BACH1: variants seen among roughly 807,000 people sequenced by gnomAD.
BACH1 encodes the protein transcription regulator protein BACH1.
BACH1 carries 35 observed loss-of-function variants against 52.9 expected under a neutral mutation model. The ratio of observed to expected loss-of-function variants is 0.66; its 90% CI spans 0.51 to 0.88. The LOEUF is 0.88. Ranked by LOEUF, BACH1 falls within the 40% of genes least tolerant of loss-of-function variation. BACH1 has a pLI of 0.00. For missense variants in BACH1, 808 were observed against 872.6 expected (o/e 0.93, Z 0.93); for synonymous variants, 321 against 319.6 (o/e 1.00, Z -0.05).
chr21:29,319,196 AG>A (rs1352139635), intron 1 of BACH1, among the ~76,000 whole-genome samples: 2 of 152,206 alleles, frequency 1.3e-5, no homozygotes. Flanking sequence ...TGCCATTGAT[AG>A]TTAACATCTT....
intron 1 of BACH1, among the ~76,000 whole-genome samples, chr21:29,319,430 T>G (rs1427252276): frequency 6.6e-6 from 1 of 151,534 alleles, no homozygotes; most frequent in Non-Finnish European, 1.5e-5. Context: ...TTTTCTGAGG[T>G]TGGGTCCCAG....
downstream of BACH1, among the ~76,000 whole-genome samples, chr21:29,349,504 C>A (rs956370505): frequency 2.6e-5 from 4 of 152,154 alleles, no homozygotes; most frequent in Non-Finnish European, 5.9e-5. Flanking sequence ...GGCCCACCGG[C>A]GGCTGCTGCC....
Position 29,342,468 on chromosome 21 carries a change from A to G in BACH1, c.1846A>G (p.Asn616Asp). Residue 616 changes from asparagine to aspartate, a missense_variant, in exon 5 of 5, where the codon AAC becomes GAC. By Grantham distance (23) the Asn-to-Asp change is conservative. Transcript: ENST00000286800. ...ILSTLGETKQ[N>D]LTGLCQKVCK... ...GTCAACTCTGGGTGAGACAAAGCAG[A>G]ACCTAACTGGACTTTGCCAGAAAGT... 6.2e-7 allele frequency: 1 copy of G among 1,614,250 alleles called. No homozygotes were observed. The highest frequency in any genetic ancestry group is 8.5e-7 in the Non-Finnish European group (1 of 1,180,044).
At chr21:29,336,310 A>G (rs2089043215) in intron 4 of BACH1, among the ~76,000 whole-genome samples, 1 of 152,182 alleles carries the variant, frequency 6.6e-6, no homozygotes, top group Non-Finnish European at 1.5e-5. Flanking sequence ...GTTTGAGTTG[A>G]GGAGACTGAG....
intron 1 of BACH1, among the ~76,000 whole-genome samples, chr21:29,308,105 T>C (rs2088679226): frequency 6.6e-6 from 1 of 152,248 alleles, no homozygotes; most frequent in African/African-American, 2.4e-5. Context: ...AACTGAGCTA[T>C]ATTTCAGCTT....
At chr21:29,352,468 T>G (rs1423850449) in intron 2 of BACH1, 1 of 152,212 alleles carries the variant, frequency 6.6e-6, no homozygotes, top group Non-Finnish European at 1.5e-5. Context: ...TGTTGGGACT[T>G]CTGGTCCTCG....
chr21:29,331,436 G>C (rs576466515), intron 4 of BACH1, among the ~76,000 whole-genome samples: 1 of 152,186 alleles, frequency 6.6e-6, no homozygotes, highest in South Asian at 2.1e-4. Context: ...TGGATACTAA[G>C]CAAATATGTT....
Position 29,326,294 on chromosome 21 carries a change from T to C in BACH1, c.470T>C (p.Leu157Pro). ...SSHCQKTDLKLSLLDQRDLET... is the reference protein window; with the variant it reads ...SSHCQKTDLKPSLLDQRDLET... ...CACTGTCAGAAAACAGACCTTAAAC[T>C]TTCACTTTTGGACCAGAGGGATCTA... Residue 157 changes from leucine (L) to proline (P), a missense_variant, in exon 3 of 5, where the codon CTT becomes CCT. Leu to Pro is a moderately conservative substitution (Grantham distance 98). Transcript: ENST00000286800. The C allele has an allele frequency of 6.2e-7, 1 of 1,614,168 alleles. No homozygotes were observed. The highest frequency in any genetic ancestry group is 2.2e-5 in the East Asian group (1 of 44,886).
intron 1 of BACH1, among the ~76,000 whole-genome samples, chr21:29,302,959 C>A (rs1166510563): frequency 2.0e-5 from 3 of 152,210 alleles, no homozygotes; most frequent in African/African-American, 7.2e-5. Flanking sequence ...TTGAAACTGG[C>A]TTTTACGAAA....
In BACH1 at chr21:29,327,360, T is replaced by G. The variant is rs762823839; in HGVS notation, c.1536T>G (p.Ser512Arg). 1 of 1,613,962 alleles carries G rather than the reference T, an allele frequency of 6.2e-7. No individual in the cohort carries two copies. Among genetic ancestry groups the G allele is most frequent in the Non-Finnish European group, 8.5e-7 (1 of 1,179,884 alleles). The change falls in exon 3 of 5, where the codon AGT becomes AGG. Residue 512 changes from serine (S) to arginine (R), a missense_variant. Transcript: ENST00000286800. ...CTGAGACGGACACCGAAGGAGACAG[T>G]GAATCCTGTTCAGCCAGAGAACAAG... ...DDSETDTEGDSESCSAREQEC... is the reference protein window; with the variant it reads ...DDSETDTEGDRESCSAREQEC...
intron 1 of BACH1, among the ~76,000 whole-genome samples, chr21:29,313,196 GA>G (rs964093436): frequency 2.7e-4 from 40 of 147,704 alleles, no homozygotes; most frequent in Non-Finnish European, 4.4e-4. Context: ...GACAAGCTAG[GA>G]AAAAAAAAAG....
chr21:29,301,625 A>T (rs2088604809), intron 1 of BACH1, among the ~76,000 whole-genome samples: 1 of 152,226 alleles, frequency 6.6e-6, no homozygotes, highest in Non-Finnish European at 1.5e-5. Flanking sequence ...GAATTTGGAG[A>T]CAAGCCCAGC....
At chr21:29,332,820 C>G (rs934501636) in intron 4 of BACH1, among the ~76,000 whole-genome samples, 1 of 152,226 alleles carries the variant, frequency 6.6e-6, no homozygotes, top group Non-Finnish European at 1.5e-5. Flanking sequence ...CAGGTATCCT[C>G]TTCTGTGACT....
rs1164044520 is a variant in BACH1, at chr21:29,326,415, T to C, written c.591T>C (p.Pro197=). Reference sequence around the variant, plus strand: ...ATCAAGGAAATGCAAAAGCCTCACCTCCTCTACAAGACAGTGCCAGTCAGA... The same window carrying C: ...ATCAAGGAAATGCAAAAGCCTCACCCCCTCTACAAGACAGTGCCAGTCAGA... The part of the protein sequence containing the change: ...RRYQGNAKAS[P]PLQDSASQTY... Residue 197 remains proline, a synonymous_variant, in exon 3 of 5, where the codon CCT becomes CCC. Transcript: ENST00000286800. 1 of 1,614,116 alleles carries C rather than the reference T, an allele frequency of 6.2e-7. No individual in the cohort carries two copies. Among genetic ancestry groups the C allele is most frequent in the Non-Finnish European group, 8.5e-7 (1 of 1,180,004 alleles).
At chr21:29,308,043 C>G (rs1274936276) in intron 1 of BACH1, among the ~76,000 whole-genome samples, 1 of 152,130 alleles carries the variant, frequency 6.6e-6, no homozygotes, top group African/African-American at 2.4e-5. Context: ...ATTTTTGTCT[C>G]AGATAAATGC....
chr21:29,334,880 G>A (rs923579649), intron 4 of BACH1, among the ~76,000 whole-genome samples: 4 of 152,152 alleles, frequency 2.6e-5, no homozygotes, highest in African/African-American at 9.7e-5. Flanking sequence ...TTTACTGGCT[G>A]CTCAACCAAA....
In BACH1 at chr21:29,326,080, C is replaced by G. The variant is rs1483937236; in HGVS notation, c.256C>G (p.Pro86Ala). 4 of 1,608,412 alleles carry G rather than the reference C, an allele frequency of 2.5e-6. No homozygotes were observed. Among genetic ancestry groups the G allele is most frequent in the Non-Finnish European group, 3.4e-6 (4 of 1,177,884 alleles). Reference protein sequence around the residue: ...PEEVTVKGFEPLIQFAYTAKL... With the variant: ...PEEVTVKGFEALIQFAYTAKL... ...ACAGGTGACAGTTAAAGGATTTGAA[C>G]CTTTAATTCAGTTTGCCTACACTGC... The change falls in exon 3 of 5, where the codon CCT (proline) becomes GCT (alanine). Residue 86 changes from proline to alanine, a missense_variant. Physicochemically the swap from Pro to Ala is conservative, Grantham distance 27 (BLOSUM62 -1). Coordinates refer to ENST00000286800, the MANE Select transcript of BACH1 (RefSeq NM_001186.4).
chr21:29,360,247 G>T lies in BACH1; in HGVS notation c.472+30554G>T, dbSNP rs549944212. ...CATCATGTACCCAAGACTTCCTGAC[G>T]CTGTCATAGGCACGTCCTTAGCCTT... On this transcript the variant is annotated intron_variant, in intron 2 of 4. Transcript: ENST00000422809. Among the ~76,000 whole-genome samples the T allele has an allele frequency of 3.3e-5, 5 of 152,264 alleles. No individual in the cohort carries two copies. The South Asian group carries it at 8.3e-4, about 25-fold the overall frequency.
At chr21:29,357,051 G>A (rs377618338) in intron 2 of BACH1, among the ~76,000 whole-genome samples, 12 of 152,306 alleles carry the variant, frequency 7.9e-5, no homozygotes, top group South Asian at 2.1e-4. Context: ...TTTAATGGGC[G>A]TTCCCCCAGA....
Sources: gnomAD v4.1 joint callset for allele counts (sites outside exome capture counted in the v4.1 genomes callset) on GRCh38, gnomAD v4.1.1 for gene constraint, MANE v1.5 for transcripts, NCBI Gene and HGNC (gene_info 2026-07-23, HGNC 2026-07-21) for gene names.